The following SLC12A2 variants were observed in gnomAD, a reference collection of about 807,000 sequenced individuals.
SLC12A2 encodes the protein Na-K-2Cl cotransporter 1.
In SLC12A2, 67 loss-of-function variants were observed where a neutral mutation model predicts 136.3. The ratio of observed to expected loss-of-function variants is 0.49; its 90% CI spans 0.40 to 0.60. SLC12A2 has a LOEUF of 0.60. Among genes scored for constraint, SLC12A2 ranks in the 20% least tolerant of loss-of-function variants. SLC12A2 has a pLI of 0.00. For synonymous variants in SLC12A2, 619 were observed against 562.9 expected (o/e 1.10, Z -1.41); for missense variants, 1,322 against 1,534.7 (o/e 0.86, Z 2.32).
intron 10 of SLC12A2, 84 bp from the exon 11 acceptor site, chr5:128,147,538 T>C: frequency 1.2e-6 from 1 of 829,318 alleles, no homozygotes; most frequent in Non-Finnish European, 2.0e-6. Context: ...GTTAACCTCC[T>C]TCAAGATGTG....
intron 1 of SLC12A2, chr5:128,110,762 C>G: frequency 1.4e-6 from 2 of 1,460,950 alleles, no homozygotes; most frequent in African/African-American, 1.4e-5. Flanking sequence ...CTTAAATGGA[C>G]AAAAGATCAC....
intron 4 of SLC12A2, among the ~76,000 whole-genome samples, chr5:128,126,971 T>TATATATATATATATAAAA (rs1347112296): frequency 8.1e-6 from 1 of 123,056 alleles, no homozygotes; most frequent in African/African-American, 3.8e-5. Context: ...TATATATTTT[T>TATATATATATATATAAAA]TTTTTTTTTT....
intron 20 of SLC12A2, among the ~76,000 whole-genome samples, 176 bp downstream of exon 20, chr5:128,174,842 G>GT: frequency 6.6e-6 from 1 of 152,188 alleles, no homozygotes; most frequent in South Asian, 2.1e-4. Context: ...ATGACTAGCT[G>GT]TGTAAGGTAT....
chr5:128,130,875 G>GTT (rs1761994572), intron 4 of SLC12A2, among the ~76,000 whole-genome samples, 192 bp from the exon 5 acceptor site: 7 of 152,042 alleles, frequency 4.6e-5, no homozygotes, highest in African/African-American at 1.7e-4. Flanking sequence ...TGGATGTTGT[G>GTT]AATTGTTAAT....
intron 1 of SLC12A2, among the ~76,000 whole-genome samples, chr5:128,103,271 A>T (rs1231407244): frequency 2.0e-5 from 3 of 152,226 alleles, no homozygotes; most frequent in African/African-American, 7.2e-5. Context: ...CTTCTCAGAC[A>T]GTATGGAGTG....
At chr5:128,142,942 G>A (rs1762420246) in intron 10 of SLC12A2, among the ~76,000 whole-genome samples, 2 of 151,576 alleles carry the variant, frequency 1.3e-5, no homozygotes. Flanking sequence ...GTGTTGTGGT[G>A]GAGTCTGAGA....
chr5:128,127,034 G>A (rs10214169), intron 4 of SLC12A2, among the ~76,000 whole-genome samples: 1 of 128,850 alleles, frequency 7.8e-6, no homozygotes, highest in African/African-American at 3.0e-5. Flanking sequence ...CACCGGGTCA[G>A]AGATATTATC....
Position 128,084,726 on chromosome 5 carries a change from C to G in SLC12A2, c.756+16C>G. The G allele has an allele frequency of 6.4e-7, 1 of 1,552,158 alleles. No homozygotes were observed. Among genetic ancestry groups the G allele is most frequent in the Non-Finnish European group, 8.7e-7 (1 of 1,146,596 alleles). On this transcript the variant is annotated intron_variant, in intron 1 of 26. Transcript: ENST00000262461. The surrounding 1 kb of genome is among the most constrained non-coding windows in gnomAD (Gnocchi z 5.6). ...GCTGGAAAAGGTGAGCTCGCCCAGC[C>G]CTCCCTTCTTCCCCAGCCCCTGGTG...
At chr5:128,162,297 A>G (rs1763066157) in intron 17 of SLC12A2, among the ~76,000 whole-genome samples, 1 of 152,172 alleles carries the variant, frequency 6.6e-6, no homozygotes, top group Admixed American at 6.6e-5. Flanking sequence ...CGAATGGCAC[A>G]AAACAGAGGA....
At chr5:128,161,369 G>T (rs1190786134) in intron 16 of SLC12A2, among the ~76,000 whole-genome samples, 5 of 152,036 alleles carry the variant, frequency 3.3e-5, no homozygotes, top group Non-Finnish European at 7.4e-5. Context: ...CTTCATTTTT[G>T]ATAGCTTCTA....
intron 21 of SLC12A2, 80 bp downstream of exon 21, chr5:128,177,232 T>TA (rs1763566959): frequency 5.7e-6 from 6 of 1,043,838 alleles, no homozygotes; most frequent in East Asian, 2.7e-5. Flanking sequence ...CCCTTTTTTT[T>TA]AACCTTGGTT....
intron 1 of SLC12A2, among the ~76,000 whole-genome samples, chr5:128,109,237 C>T (rs769537674): frequency 2.0e-5 from 3 of 152,202 alleles, no homozygotes; most frequent in African/African-American, 4.8e-5. Flanking sequence ...AGAGGAGCAG[C>T]GCAGTTCTTG....
chr5:128,086,372 T>C (rs1760100435), intron 1 of SLC12A2, among the ~76,000 whole-genome samples: 1 of 152,194 alleles, frequency 6.6e-6, no homozygotes, highest in South Asian at 2.1e-4. Flanking sequence ...CTGTTAGTTG[T>C]ATGGTAGTTG....
chr5:128,111,587 A>T lies in SLC12A2; in HGVS notation c.757-1227A>T, dbSNP rs1434040389. ...GAGACCATCCTGGCTAAGATGGTGA[A>T]ACCCCATCTCTACTAAAAATACAAA... is the stretch of plus-strand genomic sequence containing the variant. On this transcript the variant is annotated intron_variant, in intron 1 of 26. Coordinates refer to ENST00000262461, the MANE Select transcript of SLC12A2 (RefSeq NM_001046.3). Among the ~76,000 whole-genome samples, 3 of 152,032 alleles carry T rather than the reference A, an allele frequency of 2.0e-5. No homozygotes were observed. In the East Asian group the frequency reaches 5.8e-4, roughly 29 times the overall value.
intron 1 of SLC12A2, among the ~76,000 whole-genome samples, chr5:128,108,256 A>AGT (rs1308376218): frequency 6.6e-6 from 1 of 152,214 alleles, no homozygotes; most frequent in Non-Finnish European, 1.5e-5. Context: ...AATGACCAGA[A>AGT]GTAGTCACTT....
intron 18 of SLC12A2, chr5:128,169,732 G>A (rs1166211149): frequency 2.0e-5 from 3 of 152,108 alleles, no homozygotes; most frequent in Non-Finnish European, 4.4e-5. Flanking sequence ...CCTAAGAACA[G>A]TGAGATGACG....
chr5:128,147,172 C>G (rs1471883489), intron 10 of SLC12A2, among the ~76,000 whole-genome samples: 2 of 150,326 alleles, frequency 1.3e-5, no homozygotes, highest in Non-Finnish European at 3.0e-5. Context: ...GCTGACTTGC[C>G]TTTTTTGTGG....
chr5:128,096,431 T>G, intron 1 of SLC12A2, among the ~76,000 whole-genome samples: 1 of 152,112 alleles, frequency 6.6e-6, no homozygotes, highest in East Asian at 1.9e-4. Context: ...GGGCATAACT[T>G]ATCAGACTTG....
chr5:128,152,876 C>A, intron 15 of SLC12A2, 71 bp downstream of exon 15: 1 of 914,172 alleles, frequency 1.1e-6, no homozygotes, highest in Non-Finnish European at 1.8e-6. Flanking sequence ...TTTTCATTGA[C>A]ATTTTCATGT....
Sources: allele counts gnomAD v4.1 joint callset (sites outside exome capture counted in the v4.1 genomes callset), GRCh38; gene constraint gnomAD v4.1.1; non-coding constraint Gnocchi (gnomAD v3.1); transcripts MANE v1.5; gene names NCBI Gene and HGNC (gene_info 2026-07-23, HGNC 2026-07-21).